Variants in PLS3 observed in about 807,000 individuals in gnomAD.
PLS3 encodes the protein plastin-3.
A neutral mutation model predicts 46.5 loss-of-function variants in PLS3; 11 were observed. That is an observed-to-expected ratio of 0.24 (90% CI 0.15 to 0.39). PLS3 has a LOEUF of 0.39. Ranked by LOEUF, PLS3 falls within the 10% of genes least tolerant of loss-of-function variation. The probability of loss-of-function intolerance (pLI) is 1.00; values close to 1 mark genes in which losing one functional copy is unlikely to be tolerated. For synonymous variants in PLS3, 167 were observed against 162.2 expected, an observed-to-expected ratio of 1.03 and a Z score of -0.22; for missense variants, 308 against 461.8, an observed-to-expected ratio of 0.67 and a Z score of 3.05.
At chrX:115,627,144 GC>G (rs2074719339) in intron 3 of PLS3, among the ~76,000 whole-genome samples, 1 of 111,396 alleles carries the variant, frequency 9.0e-6, no homozygotes, top group African/African-American at 3.3e-5. Context: ...GAGCCACCGT[GC>G]CCAGCCTACT....
intron 1 of PLS3, among the ~76,000 whole-genome samples, chrX:115,565,275 C>A: frequency 9.0e-6 from 1 of 111,611 alleles, no homozygotes; most frequent in East Asian, 2.8e-4. Flanking sequence ...TTGCCTTAGT[C>A]TTGACACTTG....
chrX:115,631,308 T>C (rs7064008), intron 5 of PLS3, among the ~76,000 whole-genome samples: 10,307 of 108,778 alleles, frequency 0.095, 717 homozygotes, highest in African/African-American at 0.24. Context: ...AGACCTCAGG[T>C]GATCTGCCCG....
At position 115,646,199 on chromosome X, in the gene PLS3, G is replaced by T. The variant is rs781788381; in HGVS notation, c.1377+13G>T. 1 of 976,383 alleles carries T rather than the reference G, an allele frequency of 1.0e-6. No homozygotes were observed. Among genetic ancestry groups the T allele is most frequent in the East Asian group, 3.1e-5 (1 of 32,582 alleles). The allele number at this position is 976,383 out of a possible 1,213,427, so 80.5% of individuals were successfully genotyped here. A position where few individuals can be genotyped will look rare whatever the true frequency, so the allele number is the denominator to read the frequency against. ...CAACATGAAAAAGGTAGATAATTAA[G>T]TTGCTGTATATATTTGTTAGAGTAT... On this transcript the variant is annotated intron_variant, in intron 12 of 15. Coordinates refer to ENST00000355899, the MANE Select transcript of PLS3 (RefSeq NM_005032.7).
intron 2 of PLS3, among the ~76,000 whole-genome samples, chrX:115,616,796 T>C (rs937884989): frequency 1.6e-4 from 18 of 111,989 alleles, no homozygotes; most frequent in African/African-American, 5.5e-4. Flanking sequence ...CTCTGCCTTC[T>C]TGTTTAAATT....
intron 1 of PLS3, among the ~76,000 whole-genome samples, chrX:115,571,209 T>C (rs2074213461): frequency 9.0e-6 from 1 of 111,536 alleles, no homozygotes; most frequent in South Asian, 3.8e-4. Flanking sequence ...TTTATTCTTT[T>C]GTGAGGATAT....
intron 2 of PLS3, among the ~76,000 whole-genome samples, chrX:115,620,217 A>C (rs1012453208): frequency 1.8e-5 from 2 of 110,067 alleles, no homozygotes; most frequent in East Asian, 5.7e-4. Flanking sequence ...CCCCGACCTT[A>C]TCTCTCATTT....
At position 115,649,668 on chromosome X, in the gene PLS3, G is replaced by A. The variant is rs782553683; in HGVS notation, c.*107G>A. On this transcript the variant is annotated 3_prime_UTR_variant, in exon 16 of 16. Transcript: ENST00000355899. ...TTAAGGAACTCTTGGCCATTCAAAG[G>A]ACTTTTCATTTTGATTAACAGGACT... 3.1e-4 allele frequency: 230 copies of A among 740,821 alleles called. 2 individuals carry two copies. In the South Asian group the frequency reaches 4.8e-3, roughly 15 times the overall value. 61.1% of individuals were successfully genotyped at this position (740,821 alleles called of 1,213,427 possible).
At chrX:115,589,145 T>C (rs1556632797) in intron 1 of PLS3, among the ~76,000 whole-genome samples, 1 of 110,396 alleles carries the variant, frequency 9.1e-6, no homozygotes, top group Non-Finnish European at 1.9e-5. Flanking sequence ...TTTTTTTGTA[T>C]TTTTTTTGTA....
In PLS3 at chrX:115,649,945, G is replaced by A. The variant is rs144589761; in HGVS notation, c.*384G>A. On this transcript the variant is annotated 3_prime_UTR_variant, in exon 16 of 16. Coordinates refer to ENST00000355899, the MANE Select transcript of PLS3 (RefSeq NM_005032.7). ...GATGGGATATGAATATTATTAGACA[G>A]TAATTTTGCTTTCCATCCAGTATGC... 566 of 118,844 alleles carry A rather than the reference G, an allele frequency of 4.8e-3. 4 individuals are homozygous for A. The highest frequency in any genetic ancestry group is 0.017 in the African/African-American group (534 of 31,255). The allele number at this position is 118,844 out of a possible 1,213,427, so 9.8% of individuals were successfully genotyped here.
intron 5 of PLS3, 27 bp from the exon 6 acceptor site, chrX:115,633,973 C>T: frequency 1.3e-6 from 1 of 780,075 alleles, no homozygotes; most frequent in Admixed American, 2.6e-5. Context: ...TTTTTTACAT[C>T]AGCCTTTTTT....
At chrX:115,628,945 T>C (rs1285929503) in intron 3 of PLS3, among the ~76,000 whole-genome samples, 1 of 111,873 alleles carries the variant, frequency 8.9e-6, no homozygotes, top group Non-Finnish European at 1.9e-5. Flanking sequence ...AGTTTTTGGC[T>C]TAAAGTGAGT....
intron 8 of PLS3, among the ~76,000 whole-genome samples, chrX:115,638,044 A>G (rs183992353): frequency 9.0e-6 from 1 of 110,820 alleles, no homozygotes; most frequent in African/African-American, 3.3e-5. Context: ...TCCCAAGCTC[A>G]AGCAATCTTC....
intron 2 of PLS3, chrX:115,614,627 CTTGA>C: frequency 1.2e-5 from 6 of 512,657 alleles, no homozygotes; most frequent in Non-Finnish European, 1.4e-5. Context: ...CTAATGAAAG[CTTGA>C]TTTCACTGCT....
intron 7 of PLS3, 71 bp downstream of exon 7, chrX:115,635,117 C>T (rs2074817576): frequency 6.6e-6 from 6 of 913,819 alleles, no homozygotes; most frequent in Non-Finnish European, 7.8e-6. Flanking sequence ...CTTTCGTGCT[C>T]TCACTTAATG....
chrX:115,648,843 A>G (rs1556642092), intron 15 of PLS3, among the ~76,000 whole-genome samples: 1 of 112,174 alleles, frequency 8.9e-6, no homozygotes, highest in African/African-American at 3.2e-5. Flanking sequence ...CAACACACCT[A>G]GAAATACTTC....
At chrX:115,593,104 A>C (rs1046837599) in intron 1 of PLS3, among the ~76,000 whole-genome samples, 2 of 111,814 alleles carry the variant, frequency 1.8e-5, no homozygotes, top group African/African-American at 6.5e-5. Context: ...TTGTGTATGG[A>C]TCAGCATGAA....
intron 5 of PLS3, among the ~76,000 whole-genome samples, chrX:115,630,944 AAT>A (rs1270062569): frequency 2.1e-5 from 2 of 96,543 alleles, no homozygotes; most frequent in Admixed American, 1.3e-4. Context: ...ATATATGTAT[AAT>A]ATATATAAAA....
chrX:115,566,667 G>A (rs1357990845), intron 1 of PLS3, among the ~76,000 whole-genome samples: 1 of 106,260 alleles, frequency 9.4e-6, no homozygotes, highest in East Asian at 3.0e-4. Flanking sequence ...GTGAGCCACC[G>A]CGCCCGGCCC....
At chrX:115,581,441 A>C (rs1275882992) in intron 1 of PLS3, among the ~76,000 whole-genome samples, 1 of 112,218 alleles carries the variant, frequency 8.9e-6, no homozygotes, top group Non-Finnish European at 1.9e-5. Context: ...AAAAATTACA[A>C]AAAGCATCTG....
Sources: allele counts gnomAD v4.1 joint callset (sites outside exome capture counted in the v4.1 genomes callset), GRCh38; gene constraint gnomAD v4.1.1; transcripts MANE v1.5; gene names NCBI Gene and HGNC (gene_info 2026-07-23, HGNC 2026-07-21).